The following GREM2 variants were observed in gnomAD, a reference collection of about 807,000 sequenced individuals.
GREM2 encodes gremlin-2.
A neutral mutation model predicts 14.2 loss-of-function variants in GREM2; 11 were observed. That is an observed-to-expected ratio of 0.78 (90% CI 0.49 to 1.28). The LOEUF (loss-of-function observed/expected upper bound fraction) is 1.28. Among genes scored for constraint, GREM2 ranks in the 50% most tolerant of loss-of-function variants. The pLI is 0.00. For synonymous variants in GREM2, 98 were observed against 97.6 expected, an observed-to-expected ratio of 1.00 and a Z score of -0.02; for missense variants, 210 against 218.5, an observed-to-expected ratio of 0.96 and a Z score of 0.24.
chr1:240,504,370 C>T (rs938883273), intron 1 of GREM2, among the ~76,000 whole-genome samples: 16 of 152,102 alleles, frequency 1.1e-4, no homozygotes, highest in African/African-American at 3.1e-4. Context: ...GTCTAACCCT[C>T]GGGGGCTACC....
chr1:240,527,829 G>A (rs915152968), intron 1 of GREM2, among the ~76,000 whole-genome samples: 5 of 152,038 alleles, frequency 3.3e-5, no homozygotes, highest in African/African-American at 7.2e-5. Flanking sequence ...TCCAAGTGTC[G>A]TATTTCTATC....
chr1:240,609,441 T>G (rs1007442814), intron 1 of GREM2, among the ~76,000 whole-genome samples: 2 of 151,984 alleles, frequency 1.3e-5, no homozygotes, highest in Non-Finnish European at 1.5e-5. Context: ...ATACCTAATA[T>G]TATTAGAAAC....
chr1:240,532,682 T>C (rs1434234735), intron 1 of GREM2, among the ~76,000 whole-genome samples: 7 of 96,362 alleles, frequency 7.3e-5, no homozygotes, highest in Admixed American at 1.1e-4. Flanking sequence ...GATAGATAGA[T>C]AGATATATGG....
At chr1:240,520,094 A>AAATAAAATAAAATAAAAT (rs1362307190) in intron 1 of GREM2, among the ~76,000 whole-genome samples, 2 of 151,876 alleles carry the variant, frequency 1.3e-5, no homozygotes, top group African/African-American at 4.8e-5. Flanking sequence ...AAATAAAATA[A>AAATAAAATAAAATAAAAT]AATAAAATAA....
chr1:240,525,761 G>C (rs1678207589), intron 1 of GREM2, among the ~76,000 whole-genome samples: 1 of 152,138 alleles, frequency 6.6e-6, no homozygotes, highest in Non-Finnish European at 1.5e-5. Flanking sequence ...TTACAGGCGT[G>C]AGCCACCGCG....
chr1:240,572,076 C>T (rs1679273401), intron 1 of GREM2, among the ~76,000 whole-genome samples: 1 of 152,204 alleles, frequency 6.6e-6, no homozygotes, highest in African/African-American at 2.4e-5. Flanking sequence ...GTAATTGACA[C>T]TGAACGAATG....
intron 1 of GREM2, among the ~76,000 whole-genome samples, chr1:240,611,074 T>TAA (rs11418917): frequency 0.014 from 2,045 of 144,402 alleles, 28 homozygotes; most frequent in Middle Eastern, 0.018. Flanking sequence ...CACCTCAAAA[T>TAA]AAAAAAAAAA....
At position 240,611,995 on chromosome 1, in the gene GREM2, C is replaced by G. The variant is rs1476478408; in HGVS notation, c.-113G>C. The G allele has an allele frequency of 6.5e-6, 1 of 152,790 alleles. No individual in the cohort carries two copies. Among genetic ancestry groups the G allele is most frequent in the African/African-American group, 2.4e-5 (1 of 41,448 alleles). 9.5% of individuals were successfully genotyped at this position (152,790 alleles called of 1,614,324 possible). ...CCACAGCGGGGTCTAAGTTTGGTCT[C>G]CCGCCGCCGCTTTCAGTTCGACCGC... On this transcript the variant is annotated 5_prime_UTR_variant, in exon 1 of 2. Coordinates refer to ENST00000318160, the MANE Select transcript of GREM2 (RefSeq NM_022469.4).
intron 1 of GREM2, among the ~76,000 whole-genome samples, chr1:240,539,287 G>A (rs1440651556): frequency 6.6e-6 from 1 of 152,120 alleles, no homozygotes; most frequent in Admixed American, 6.5e-5. Context: ...TCCTGGTGGT[G>A]ACAAGTCTCT....
chr1:240,509,264 G>A (rs1284452170), intron 1 of GREM2, among the ~76,000 whole-genome samples: 1 of 152,150 alleles, frequency 6.6e-6, no homozygotes, highest in Non-Finnish European at 1.5e-5. Flanking sequence ...CCAGTGGACA[G>A]GGTGTGAACC....
intron 1 of GREM2, among the ~76,000 whole-genome samples, chr1:240,556,348 T>C (rs1678952193): frequency 6.6e-6 from 1 of 152,226 alleles, no homozygotes; most frequent in African/African-American, 2.4e-5. Flanking sequence ...AAAGGCCTAA[T>C]GATACTGGCT....
intron 1 of GREM2, among the ~76,000 whole-genome samples, chr1:240,555,933 T>C (rs928443844): frequency 5.3e-5 from 8 of 152,172 alleles, no homozygotes; most frequent in Non-Finnish European, 1.0e-4. Context: ...TTGGCTCTTA[T>C]TTTCCCTTTT....
chr1:240,521,364 C>T (rs568289058), intron 1 of GREM2, among the ~76,000 whole-genome samples: 1 of 152,118 alleles, frequency 6.6e-6, no homozygotes, highest in South Asian at 2.1e-4. Context: ...GTCAGGAGAT[C>T]GAGACCATCC....
intron 1 of GREM2, among the ~76,000 whole-genome samples, chr1:240,575,667 C>T (rs1027723602): frequency 2.0e-5 from 3 of 151,818 alleles, no homozygotes; most frequent in African/African-American, 4.8e-5. Context: ...ATTACAGGCG[C>T]GCACCACCAC....
chr1:240,493,508 G>A, intron 1 of GREM2, 32 bp from the exon 2 acceptor site: 4 of 1,567,686 alleles, frequency 2.6e-6, no homozygotes, highest in Non-Finnish European at 2.6e-6. Flanking sequence ...GGCTGGCTGT[G>A]AAGGGCCGTA....
Position 240,490,569 on chromosome 1 carries a change from C to T in GREM2, c.*2400G>A, listed in dbSNP as rs949243997. 1 of 152,558 alleles carries T rather than the reference C, an allele frequency of 6.6e-6. No homozygotes were observed. The highest frequency in any genetic ancestry group is 2.4e-5 in the African/African-American group (1 of 41,428). 9.5% of individuals were successfully genotyped at this position (152,558 alleles called of 1,614,324 possible). A position where few individuals can be genotyped will look rare whatever the true frequency, so the allele number is the denominator to read the frequency against. ...TAAAATAATTACATTATACTTATAG[C>T]TTTTCTTCATTTATAAACAAAACAA... On this transcript the variant is annotated 3_prime_UTR_variant, in exon 2 of 2. Transcript: ENST00000318160.
At chr1:240,546,739 G>T (rs1467375477) in intron 1 of GREM2, among the ~76,000 whole-genome samples, 1 of 152,108 alleles carries the variant, frequency 6.6e-6, no homozygotes, top group Non-Finnish European at 1.5e-5. Context: ...TTGGGAATGA[G>T]AGAGAAAATG....
chr1:240,515,102 T>A (rs1043287303), intron 1 of GREM2, among the ~76,000 whole-genome samples: 29 of 152,144 alleles, frequency 1.9e-4, no homozygotes, highest in African/African-American at 6.5e-4. Context: ...TTTCTGGAGA[T>A]TTTACAAACA....
At chr1:240,558,776 T>C (rs930226266) in intron 1 of GREM2, among the ~76,000 whole-genome samples, 1 of 151,990 alleles carries the variant, frequency 6.6e-6, no homozygotes, top group African/African-American at 2.4e-5. Context: ...ATATTGGGAA[T>C]GAAAACTGAA....
Sources: allele counts gnomAD v4.1 joint callset (sites outside exome capture counted in the v4.1 genomes callset), GRCh38; gene constraint gnomAD v4.1.1; transcripts MANE v1.5; gene names NCBI Gene and HGNC (gene_info 2026-07-23, HGNC 2026-07-21).